The following MED20 variants were observed in gnomAD, a reference collection of about 807,000 sequenced individuals.
MED20 encodes mediator of RNA polymerase II transcription subunit 20.
MED20 carries 19 observed loss-of-function variants against 19.7 expected under a neutral mutation model. That is an observed-to-expected ratio of 0.96 (90% CI 0.67 to 1.42). MED20 has a LOEUF of 1.42. Among genes scored for constraint, MED20 ranks in the 40% most tolerant of loss-of-function variants. The pLI is 0.00. For missense variants in MED20, 225 were observed against 273.0 expected, an observed-to-expected ratio of 0.82 and a Z score of 1.24; for synonymous variants, 105 against 104.8, an observed-to-expected ratio of 1.00 and a Z score of -0.01.
At chr6:41,915,545 C>T (rs985689089) in intron 2 of MED20, among the ~76,000 whole-genome samples, 3 of 151,620 alleles carry the variant, frequency 2.0e-5, no homozygotes, top group Non-Finnish European at 4.4e-5. Flanking sequence ...CCCAGCACTT[C>T]GGGAGGCCGA....
intron 1 of MED20, 95 bp downstream of exon 1, chr6:41,920,910 C>A: frequency 6.6e-7 from 1 of 1,510,480 alleles, no homozygotes; most frequent in Non-Finnish European, 8.9e-7. Flanking sequence ...GGACATCTCC[C>A]TCAGCTCCCA....
chr6:41,910,134 C>G (rs562197864), intron 2 of MED20, among the ~76,000 whole-genome samples: 1 of 152,122 alleles, frequency 6.6e-6, no homozygotes, highest in South Asian at 2.1e-4. Flanking sequence ...AATGGCAAAC[C>G]GTTGGAGAAT....
At chr6:41,915,134 G>A (rs531704852) in intron 2 of MED20, among the ~76,000 whole-genome samples, 6 of 152,146 alleles carry the variant, frequency 3.9e-5, no homozygotes, top group Non-Finnish European at 8.8e-5. Flanking sequence ...AAAACAAAAA[G>A]CACTCAAAGA....
At chr6:41,909,115 A>G in intron 3 of MED20, 154 bp downstream of exon 3, 1 of 988,416 alleles carries the variant, frequency 1.0e-6, no homozygotes, top group East Asian at 2.4e-5. Context: ...TCGAGGCTAC[A>G]GTGTGCCAAG....
rs1775304061 is a variant in MED20 at position 41,915,880 on chromosome 6, T to C, written c.169+905A>G. On this transcript the variant is annotated intron_variant, in intron 2 of 3. Transcript: ENST00000265350. ...TTGGTTTTGGTGATAGTATCATAGG[T>C]GTATGCATATATCCAAACTCATTAA... 2.0e-5 allele frequency among the ~76,000 whole-genome samples: 3 copies of C among 152,184 alleles called. No individual in the cohort carries two copies. The South Asian group carries it at 6.2e-4, about 31-fold the overall frequency.
rs748218794 is a variant in MED20 at position 41,921,049 on chromosome 6, A to C, written c.-31T>G. The C allele has an allele frequency of 1.2e-6, 2 of 1,610,202 alleles. No individual in the cohort carries two copies. Among genetic ancestry groups the C allele is most frequent in the Non-Finnish European group, 8.5e-7 (1 of 1,178,134 alleles). Reference sequence around the variant, plus strand: ...CGGGCCAGGAAGGTGGCAGAATCACACAGTAGAAACGCAGGGTTCCCTGTC... The same window carrying C: ...CGGGCCAGGAAGGTGGCAGAATCACCCAGTAGAAACGCAGGGTTCCCTGTC... On this transcript the variant is annotated 5_prime_UTR_variant, in exon 1 of 4. Coordinates refer to ENST00000265350, the MANE Select transcript of MED20 (RefSeq NM_004275.5).
intron 1 of MED20, among the ~76,000 whole-genome samples, chr6:41,918,188 G>A (rs1775365102): frequency 6.6e-6 from 1 of 152,160 alleles, no homozygotes; most frequent in South Asian, 2.1e-4. Context: ...CTATGAAGGT[G>A]TGTTATTTAT....
rs267601033 is a variant in MED20, at chr6:41,906,951, G to C, written c.*121C>G. On this transcript the variant is annotated 3_prime_UTR_variant, in exon 4 of 4. Transcript: ENST00000265350. ...GAACAAAAGCCACAGCTGAGAACCA[G>C]AGAAGGAGAGTAGAGTCCATGTCTA... is the stretch of plus-strand genomic sequence containing the variant. The C allele has an allele frequency of 3.6e-6, 3 of 842,552 alleles. No individual in the cohort carries two copies. The highest frequency in any genetic ancestry group is 3.7e-6 in the Non-Finnish European group (2 of 539,976). The allele number at this position is 842,552 out of a possible 1,614,324, so 52.2% of individuals were successfully genotyped here.
rs1222222773 is a variant in MED20 at position 41,905,831 on chromosome 6, C to G, written c.*1241G>C. On this transcript the variant is annotated 3_prime_UTR_variant, in exon 4 of 4. Transcript: ENST00000265350. ...GGGTCAAGTATTCTAACCCTAAGATCAGGGTGCATGAGAACTGGAGAGGCC... is the reference window on the plus strand; with the variant it reads ...GGGTCAAGTATTCTAACCCTAAGATGAGGGTGCATGAGAACTGGAGAGGCC... 2.0e-5 allele frequency: 3 copies of G among 152,162 alleles called. No individual in the cohort carries two copies. Among genetic ancestry groups the G allele is most frequent in the African/African-American group, 7.2e-5 (3 of 41,420 alleles). The allele number at this position is 152,162 out of a possible 1,614,324, so 9.4% of individuals were successfully genotyped here. A position where few individuals can be genotyped will look rare whatever the true frequency, so the allele number is the denominator to read the frequency against.
chr6:41,916,129 T>C (rs1775309689), intron 2 of MED20, among the ~76,000 whole-genome samples: 1 of 151,934 alleles, frequency 6.6e-6, no homozygotes, highest in Non-Finnish European at 1.5e-5. Flanking sequence ...ATGCCTGTGG[T>C]CTCAGCTACT....
intron 2 of MED20, among the ~76,000 whole-genome samples, chr6:41,911,180 T>C (rs1775185282): frequency 1.3e-5 from 2 of 148,966 alleles, no homozygotes; most frequent in African/African-American, 5.0e-5. Context: ...AGACAGAGTC[T>C]CACTCTGTCG....
chr6:41,909,977 C>A (rs1428545754), intron 2 of MED20, among the ~76,000 whole-genome samples: 1 of 152,164 alleles, frequency 6.6e-6, no homozygotes, highest in Non-Finnish European at 1.5e-5. Flanking sequence ...TCAGCTTAGC[C>A]TCCTCCCTCT....
Position 41,916,885 on chromosome 6 carries a change from G to A in MED20, c.69C>T (p.Leu23=), listed in dbSNP as rs2127380248. ...EGKSVQQTVE[L]LTRKLEMLGA... is the part of the protein sequence containing the mutation. ...CAAGCATCTCCAATTTCCGGGTAAGGAGCTCTACGGTTTGCTGAACACTCT... is the reference window on the plus strand; with the variant it reads ...CAAGCATCTCCAATTTCCGGGTAAGAAGCTCTACGGTTTGCTGAACACTCT... The change falls in exon 2 of 4, where the codon CTC becomes CTT. Residue 23 remains leucine, a synonymous_variant. Transcript: ENST00000265350. 1.2e-6 allele frequency: 2 copies of A among 1,614,050 alleles called. No homozygotes were observed. The highest frequency in any genetic ancestry group is 2.2e-5 in the South Asian group (2 of 91,070).
intron 2 of MED20, among the ~76,000 whole-genome samples, chr6:41,914,374 C>T (rs957882982): frequency 2.0e-5 from 3 of 152,026 alleles, no homozygotes; most frequent in Admixed American, 6.6e-5. Flanking sequence ...TAGTAGAGAG[C>T]CTGGAAAATA....
intron 2 of MED20, among the ~76,000 whole-genome samples, chr6:41,914,272 A>G (rs1047264385): frequency 1.4e-4 from 22 of 152,194 alleles, no homozygotes; most frequent in Non-Finnish European, 8.8e-5. Flanking sequence ...ATGGCTAGAG[A>G]CACTGCCCAG....
chr6:41,909,228 C>T (rs1775128560), intron 3 of MED20, 41 bp downstream of exon 3: 3 of 1,589,794 alleles, frequency 1.9e-6, no homozygotes, highest in Non-Finnish European at 2.6e-6. Flanking sequence ...GCTAAGCAGC[C>T]CCCTCAGAAC....
At chr6:41,917,194 G>C (rs1176792106) in intron 1 of MED20, among the ~76,000 whole-genome samples, 2 of 152,122 alleles carry the variant, frequency 1.3e-5, no homozygotes, top group Non-Finnish European at 2.9e-5. Flanking sequence ...GAAGTCAGGA[G>C]TTCAAGACAA....
intron 3 of MED20, among the ~76,000 whole-genome samples, chr6:41,908,038 A>T (rs1396884637): frequency 6.6e-6 from 1 of 152,180 alleles, no homozygotes; most frequent in Non-Finnish European, 1.5e-5. Flanking sequence ...CTGAGCAGAA[A>T]CTACCACTAA....
At chr6:41,915,789 A>AACACACATACACACACACAC (rs1554151617) in intron 2 of MED20, among the ~76,000 whole-genome samples, 7 of 148,592 alleles carry the variant, frequency 4.7e-5, no homozygotes, top group Non-Finnish European at 7.4e-5. Flanking sequence ...TCCGTCTCAA[A>AACACACATACACACACACAC]ACACACACAC....
Sources: gnomAD v4.1 joint callset for allele counts (sites outside exome capture counted in the v4.1 genomes callset) on GRCh38, gnomAD v4.1.1 for gene constraint, MANE v1.5 for transcripts, NCBI Gene and HGNC (gene_info 2026-07-23, HGNC 2026-07-21) for gene names.